The following MIA2 variants were observed in gnomAD, a reference collection of about 807,000 sequenced individuals.
The protein encoded by MIA2 is melanoma inhibitory activity protein 2.
In MIA2, 127 loss-of-function variants were observed where a neutral mutation model predicts 167.8. The observed-to-expected ratio is 0.76, with a 90% CI of 0.66 to 0.88. The LOEUF is 0.88. Ranked by LOEUF, MIA2 falls within the 40% of genes least tolerant of loss-of-function variation. The pLI, the probability that MIA2 is intolerant of heterozygous loss-of-function variation, is 0.00. For missense variants in MIA2, 1,690 were observed against 1,624.7 expected (o/e 1.04, Z -0.69); for synonymous variants, 552 against 541.9 (o/e 1.02, Z -0.26).
At position 39,331,900 on chromosome 14, in the gene MIA2, C is replaced by T. The variant is rs981329415; in HGVS notation, c.3655+4878C>T. Among the ~76,000 whole-genome samples the T allele has an allele frequency of 2.0e-5, 3 of 152,024 alleles. No homozygotes were observed. In the South Asian group the frequency reaches 6.2e-4, roughly 32 times the overall value. ...GCCCTTAACGTTTTTTCCTTCATTT[C>T]AATGTTGCTGAATCTGACGATTATG... is the stretch of plus-strand genomic sequence containing the variant. On this transcript the variant is annotated intron_variant, in intron 25 of 28. Coordinates refer to ENST00000640607, the MANE Select transcript of MIA2 (RefSeq NM_001329214.4).
rs149839848 is a variant in MIA2 at position 39,333,586 on chromosome 14, G to T, written c.3655+6564G>T. On this transcript the variant is annotated intron_variant, in intron 25 of 28. Transcript: ENST00000640607. ...AGTTTTATCGAGTTTTGACTGCTGT[G>T]TGCTGCAACTCACTGTGGTCTTCTA... Among the ~76,000 whole-genome samples the T allele has an allele frequency of 2.8e-3, 431 of 152,190 alleles. 2 individuals carry two copies. The highest frequency in any genetic ancestry group is 9.6e-3 in the African/African-American group (399 of 41,530).
chr14:39,348,171 T>C (rs2073834384), intron 27 of MIA2, among the ~76,000 whole-genome samples: 1 of 152,202 alleles, frequency 6.6e-6, no homozygotes, highest in Non-Finnish European at 1.5e-5. Flanking sequence ...AATAGAAATA[T>C]AGCTAATAAT....
chr14:39,267,152 G>A (rs770103410), intron 6 of MIA2: 27 of 1,164,774 alleles, frequency 2.3e-5, no homozygotes, highest in South Asian at 2.7e-5. Context: ...CGGCTGCCCG[G>A]CCGAAACCAA....
At position 39,294,965 on chromosome 14, in the gene MIA2, G is replaced by T; in HGVS notation, c.2432G>T (p.Arg811Leu). The T allele has an allele frequency of 6.2e-7, 1 of 1,613,574 alleles. No homozygotes were observed. The highest frequency in any genetic ancestry group is 1.1e-5 in the South Asian group (1 of 90,964). The change falls in exon 13 of 29, where the codon CGA becomes CTA. Residue 811 changes from arginine (R) to leucine (L), a missense_variant. Arg to Leu is a moderately radical substitution (Grantham distance 102). Transcript: ENST00000640607. ...TFKIFQMNEE[R>L]LKIAIKDALN... ...AAGATATTTCAAATGAATGAAGAAC[G>T]ACTGAAGATAGCAATAAAAGATGCT...
At chr14:39,261,676 A>G (rs898223884) in intron 6 of MIA2, among the ~76,000 whole-genome samples, 2 of 152,080 alleles carry the variant, frequency 1.3e-5, no homozygotes, top group Non-Finnish European at 2.9e-5. Flanking sequence ...TTTAATGATC[A>G]CCATTTTAAC....
chr14:39,322,537 C>G (rs1314993191), intron 24 of MIA2, among the ~76,000 whole-genome samples: 5 of 125,322 alleles, frequency 4.0e-5, no homozygotes, highest in Non-Finnish European at 8.2e-5. Context: ...GAGACTCCGT[C>G]TCAAAAAAAA....
At chr14:39,377,815 A>AT (rs1183434795) in intron 23 of MIA2, among the ~76,000 whole-genome samples, 3 of 151,134 alleles carry the variant, frequency 2.0e-5, no homozygotes, top group Non-Finnish European at 4.4e-5. Context: ...GGAATCTAAG[A>AT]TTTAGACTTT....
intron 25 of MIA2, among the ~76,000 whole-genome samples, chr14:39,332,696 T>C (rs1425850270): frequency 2.0e-5 from 3 of 152,122 alleles, no homozygotes; most frequent in South Asian, 2.1e-4. Context: ...ACGCTTGTGC[T>C]TCCCAGGTGA....
chr14:39,267,382 G>A (rs2056018126), intron 6 of MIA2: 1 of 1,603,002 alleles, frequency 6.2e-7, no homozygotes, highest in Middle Eastern at 2.3e-4. Context: ...CGGACCGAAG[G>A]CTGTGTGTTC....
rs561142838 is a variant in MIA2, at chr14:39,285,087, A to G, written c.2130+5550A>G. Among the ~76,000 whole-genome samples, 29 of 152,354 alleles carry G rather than the reference A, an allele frequency of 1.9e-4. No homozygotes were observed. In the East Asian group the frequency reaches 2.5e-3, roughly 13 times the overall value. Reference sequence around the variant, plus strand: ...GTTGGGGGTAAGGTCATAGATCAACAGCATCCCAAGGCAGAAGAATTTTTC... The same window carrying G: ...GTTGGGGGTAAGGTCATAGATCAACGGCATCCCAAGGCAGAAGAATTTTTC... On this transcript the variant is annotated intron_variant, in intron 9 of 28. Transcript: ENST00000640607.
chr14:39,317,446 A>G (rs764865917), intron 21 of MIA2, among the ~76,000 whole-genome samples: 3 of 152,056 alleles, frequency 2.0e-5, no homozygotes, highest in South Asian at 2.1e-4. Context: ...TAATCACCCA[A>G]TCAGATAGAA....
chr14:39,298,443 A>ATATATATATATATATATATATATATATGT lies in MIA2; in HGVS notation c.2497-1421_2497-1420insTATATATATATATATATATATATATATGT, dbSNP rs1372100362. On this transcript the variant is annotated intron_variant, in intron 13 of 28. Transcript: ENST00000640607. ...TATATATATATATATATATATATATAAAGATTAGTTTTTCATGTGTTCGGA... is the reference window on the plus strand; with the variant it reads ...TATATATATATATATATATATATATATATATATATATATATATATATATATATGTAAGATTAGTTTTTCATGTGTTCGGA... Among the ~76,000 whole-genome samples the ATATATATATATATATATATATATATATGT allele has an allele frequency of 8.3e-3, 414 of 49,808 alleles. 64 individuals are homozygous for ATATATATATATATATATATATATATATGT. Among genetic ancestry groups the ATATATATATATATATATATATATATATGT allele is most frequent in the East Asian group, 0.02 (22 of 1,100 alleles). The allele number at this position is 49,808 out of a possible 152,430, so 32.7% of individuals were successfully genotyped here. A position where few individuals can be genotyped will look rare whatever the true frequency, so the allele number is the denominator to read the frequency against.
At position 39,363,172 on chromosome 14, in the gene MIA2, A is replaced by G. The variant is rs185778476; in HGVS notation, c.2248+14195A>G. 9.5e-3 allele frequency among the ~76,000 whole-genome samples: 1,452 copies of G among 152,332 alleles called. 11 individuals are homozygous for G. The highest frequency in any genetic ancestry group is 0.015 in the Non-Finnish European group (1,054 of 68,026). On this transcript the variant is annotated intron_variant, in intron 23 of 23. Coordinates refer to the MIA2 transcript ENST00000341502. ...CCAGTGAGAAGAATGTATATTCTAC[A>G]GCTGTCAGATAAGATTTTCTGTAAA...
intron 27 of MIA2, 48 bp downstream of exon 27, chr14:39,347,819 T>A (rs1454452340): frequency 4.4e-3 from 548 of 123,610 alleles, no homozygotes; most frequent in Non-Finnish European, 6.1e-3. Flanking sequence ...AGAAGCCTTC[T>A]TTTTTTTTTT....
intron 24 of MIA2, among the ~76,000 whole-genome samples, chr14:39,325,195 G>C (rs954391816): frequency 1.3e-5 from 2 of 151,738 alleles, no homozygotes; most frequent in Admixed American, 6.6e-5. Flanking sequence ...CTGCACTCCA[G>C]TCTGGGTAAC....
At chr14:39,288,463 A>ATTTTT (rs1371000878) in intron 9 of MIA2, among the ~76,000 whole-genome samples, 17 of 29,920 alleles carry the variant, frequency 5.7e-4, no homozygotes, top group East Asian at 1.1e-3. Context: ...ATATATATAT[A>ATTTTT]TATATATATA....
In MIA2 at chr14:39,302,154, T is replaced by G. The variant is rs771401338; in HGVS notation, c.2645T>G (p.Met882Arg). ...IKTLTERLLK[M>R]KDWAAMLGED... ...ACTCTGACTGAACGCTTGTTAAAGA[T>G]GAAAGATTGGGCTGCTATGCTTGGA... Residue 882 changes from methionine (M) to arginine (R), a missense_variant, in exon 15 of 29, where the codon ATG (methionine) becomes AGG (arginine). Transcript: ENST00000640607. The G allele has an allele frequency of 1.2e-6, 2 of 1,613,742 alleles. No individual in the cohort carries two copies. The highest frequency in any genetic ancestry group is 1.1e-5 in the South Asian group (1 of 91,054).
chr14:39,261,704 T>C (rs2152656198), intron 6 of MIA2, among the ~76,000 whole-genome samples: 1 of 152,306 alleles, frequency 6.6e-6, no homozygotes, highest in East Asian at 1.9e-4. Flanking sequence ...AGATAGTATC[T>C]CATTGTGGTT....
In MIA2 at chr14:39,247,548, C is replaced by G; in HGVS notation, c.974C>G (p.Thr325Arg). 6.2e-7 allele frequency: 1 copy of G among 1,613,990 alleles called. No individual in the cohort carries two copies. Among genetic ancestry groups the G allele is most frequent in the Non-Finnish European group, 8.5e-7 (1 of 1,179,998 alleles). ...TATTTAGGTTTTGGAGATGAGGATA[C>G]AGGGCTTGAATTAATAGCTGAAGAA... The part of the protein sequence containing the change: ...TSYLGFGDED[T>R]GLELIAEESN... The change falls in exon 4 of 29, where the codon ACA becomes AGA. Residue 325 changes from threonine to arginine, a missense_variant. By Grantham distance (71) the Thr-to-Arg change is moderately conservative. Transcript: ENST00000640607.
Sources: gnomAD v4.1 joint callset for allele counts (sites outside exome capture counted in the v4.1 genomes callset) on GRCh38, gnomAD v4.1.1 for gene constraint, MANE v1.5 for transcripts, NCBI Gene and HGNC (gene_info 2026-07-23, HGNC 2026-07-21) for gene names.